Variants in NCOA7 observed in about 807,000 individuals in gnomAD.
NCOA7 encodes 140 kDa estrogen receptor-associated protein.
Under a neutral mutation model 104.3 loss-of-function variants are expected in NCOA7, and 45 were observed. The observed-to-expected ratio is 0.43, with a 90% CI of 0.34 to 0.55. The LOEUF (loss-of-function observed/expected upper bound fraction) is 0.55, where lower values mean the gene tolerates loss of function less well. NCOA7 is among the 20% of genes least tolerant of loss of function. The pLI is 0.02. For synonymous variants in NCOA7, 398 were observed against 402.3 expected, an observed-to-expected ratio of 0.99 and a Z score of 0.13; for missense variants, 1,041 against 1,119.7, an observed-to-expected ratio of 0.93 and a Z score of 1.00.
chr6:125,862,281 T>A (rs1782127218), intron 3 of NCOA7, among the ~76,000 whole-genome samples: 1 of 137,290 alleles, frequency 7.3e-6, no homozygotes, highest in Non-Finnish European at 1.5e-5. Context: ...GTCCTCCGAA[T>A]AACTGTAGCA....
intron 3 of NCOA7, among the ~76,000 whole-genome samples, chr6:125,868,841 T>A (rs560417188): frequency 6.6e-6 from 1 of 152,290 alleles, no homozygotes; most frequent in Non-Finnish European, 1.5e-5. Context: ...TTACTGATGG[T>A]CCTGTGCTGT....
intron 4 of NCOA7, among the ~76,000 whole-genome samples, chr6:125,875,715 A>G (rs759622745): frequency 3.3e-5 from 5 of 152,228 alleles, no homozygotes; most frequent in Non-Finnish European, 4.4e-5. Context: ...TCAGTTTAAC[A>G]TTATTAATTC....
At chr6:125,861,546 A>G (rs113015779) in intron 3 of NCOA7, among the ~76,000 whole-genome samples, 101 of 152,308 alleles carry the variant, frequency 6.6e-4, no homozygotes, top group Middle Eastern at 3.4e-3. Flanking sequence ...CAAGAATCCA[A>G]TTAATATTTT....
chr6:125,921,830 C>A (rs1356195754), intron 12 of NCOA7, among the ~76,000 whole-genome samples: 2 of 152,158 alleles, frequency 1.3e-5, no homozygotes, highest in African/African-American at 4.8e-5. Flanking sequence ...CTATGATTTT[C>A]TTTGTGTATT....
chr6:125,861,128 C>T (rs1201946425), intron 3 of NCOA7, among the ~76,000 whole-genome samples: 1 of 152,002 alleles, frequency 6.6e-6, no homozygotes, highest in African/African-American at 2.4e-5. Context: ...CATAGTTTTC[C>T]CTCCTGAACT....
Position 125,931,522 on chromosome 6 carries a change from T to C in NCOA7, c.*2751T>C, listed in dbSNP as rs1788464845. On this transcript the variant is annotated 3_prime_UTR_variant, in exon 16 of 16. Coordinates refer to ENST00000392477, the MANE Select transcript of NCOA7 (RefSeq NM_181782.5). ...GAAGACCCCAAGCAGTCTTCATTGC[T>C]TCATAATTCCTCAGTTCATAAGTCC... is the stretch of plus-strand genomic sequence containing the variant. 6.6e-6 allele frequency: 1 copy of C among 152,220 alleles called. No homozygotes were observed. Among genetic ancestry groups the C allele is most frequent in the Admixed American group, 6.5e-5 (1 of 15,282 alleles). 9.4% of individuals were successfully genotyped at this position (152,220 alleles called of 1,614,324 possible).
At chr6:125,885,376 G>C (rs777691978) in intron 8 of NCOA7, 33 bp downstream of exon 8, 6 of 1,605,958 alleles carry the variant, frequency 3.7e-6, no homozygotes, top group East Asian at 4.5e-5. Context: ...AGGAAAAAAG[G>C]GGTGTTGAGA....
At chr6:125,794,304 A>G (rs1410864269) in intron 1 of NCOA7, among the ~76,000 whole-genome samples, 1 of 152,154 alleles carries the variant, frequency 6.6e-6, no homozygotes, top group Non-Finnish European at 1.5e-5. Flanking sequence ...TGTTCTTTTC[A>G]TCATGCAAAA....
chr6:125,929,465 T>G lies in NCOA7; in HGVS notation c.*694T>G, dbSNP rs1382724061. The G allele has an allele frequency of 2.0e-5, 3 of 152,016 alleles. No individual in the cohort carries two copies. The highest frequency in any genetic ancestry group is 6.6e-5 in the Admixed American group (1 of 15,258). 9.4% of individuals were successfully genotyped at this position (152,016 alleles called of 1,614,324 possible). A position where few individuals can be genotyped will look rare whatever the true frequency, so the allele number is the denominator to read the frequency against. On this transcript the variant is annotated 3_prime_UTR_variant, in exon 16 of 16. Transcript: ENST00000392477. ...GTCTTAAGCAGCATATATCTATATA[T>G]CTGTATGTGGGTATATAGAGATATA...
intron 10 of NCOA7, among the ~76,000 whole-genome samples, chr6:125,909,371 T>C (rs1786313835): frequency 6.6e-6 from 1 of 152,196 alleles, no homozygotes; most frequent in Admixed American, 6.5e-5. Context: ...GCAGGGTCAT[T>C]GGCACACAGT....
rs575774376 is a variant in NCOA7 at position 125,868,363 on chromosome 6, A to G, written c.272-6526A>G. On this transcript the variant is annotated intron_variant, in intron 3 of 15. Coordinates refer to ENST00000392477, the MANE Select transcript of NCOA7 (RefSeq NM_181782.5). ...TTACTTGTGTTGACTACATTATTAT[A>G]AATAACAATAGCATTTGTTAAGCAT... Among the ~76,000 whole-genome samples the G allele has an allele frequency of 5.8e-4, 88 of 152,256 alleles. 1 individual carries two copies. The highest frequency in any genetic ancestry group is 1.1e-3 in the Non-Finnish European group (76 of 68,046).
intron 3 of NCOA7, among the ~76,000 whole-genome samples, chr6:125,865,220 C>G (rs767407066): frequency 7.2e-6 from 1 of 138,760 alleles, no homozygotes; most frequent in East Asian, 2.1e-4. Context: ...GCACCAAAGC[C>G]TGACTTATTT....
intron 2 of NCOA7, among the ~76,000 whole-genome samples, chr6:125,835,727 A>ACAGGCC (rs1222829085): frequency 6.6e-6 from 1 of 152,208 alleles, no homozygotes; most frequent in Non-Finnish European, 1.5e-5. Flanking sequence ...CTTTGATTGG[A>ACAGGCC]CAGGCCCACA....
At chr6:125,799,412 A>G (rs552692416) in intron 1 of NCOA7, among the ~76,000 whole-genome samples, 2 of 151,810 alleles carry the variant, frequency 1.3e-5, no homozygotes, top group South Asian at 2.1e-4. Context: ...CAAATGAACT[A>G]AATATTGGCT....
intron 2 of NCOA7, among the ~76,000 whole-genome samples, chr6:125,821,434 A>C (rs1400488225): frequency 6.6e-6 from 1 of 152,118 alleles, no homozygotes; most frequent in East Asian, 1.9e-4. Flanking sequence ...TTTAGTTGCA[A>C]AACGGGGCTT....
At chr6:125,809,364 G>A (rs904818628) in intron 1 of NCOA7, among the ~76,000 whole-genome samples, 3 of 152,024 alleles carry the variant, frequency 2.0e-5, no homozygotes, top group African/African-American at 7.2e-5. Context: ...TGTGTTTTTA[G>A]TAGAGATGGA....
At position 125,929,684 on chromosome 6, in the gene NCOA7, T is replaced by C. The variant is rs1051551216; in HGVS notation, c.*913T>C. On this transcript the variant is annotated 3_prime_UTR_variant, in exon 16 of 16. Transcript: ENST00000392477. ...AAGAATACATCATTTCTCACAGTCT[T>C]AAGTTGATATTTATAGAAATGAATA... 2 of 152,212 alleles carry C rather than the reference T, an allele frequency of 1.3e-5. No homozygotes were observed. Among genetic ancestry groups the C allele is most frequent in the African/African-American group, 2.4e-5 (1 of 41,456 alleles). The allele number at this position is 152,212 out of a possible 1,614,324, so 9.4% of individuals were successfully genotyped here.
upstream of NCOA7, among the ~76,000 whole-genome samples, chr6:125,786,672 G>T (rs1431182892): frequency 2.0e-5 from 3 of 151,162 alleles, no homozygotes; most frequent in Non-Finnish European, 4.4e-5. Context: ...TCCCTCTCGG[G>T]TTCAAGTGAT....
chr6:125,857,430 T>C (rs1004751635), intron 3 of NCOA7, among the ~76,000 whole-genome samples: 55 of 123,432 alleles, frequency 4.5e-4, no homozygotes, highest in Middle Eastern at 4.0e-3. Flanking sequence ...CACACACACA[T>C]ATATATATAT....
Sources: allele counts gnomAD v4.1 joint callset (sites outside exome capture counted in the v4.1 genomes callset), GRCh38; gene constraint gnomAD v4.1.1; transcripts MANE v1.5; gene names NCBI Gene and HGNC (gene_info 2026-07-23, HGNC 2026-07-21).